MAP3K1: variants seen among roughly 807,000 people sequenced by gnomAD.
MAP3K1 encodes MAP/ERK kinase kinase 1.
A neutral mutation model predicts 144.2 loss-of-function variants in MAP3K1; 36 were observed. That is an observed-to-expected ratio of 0.25 (90% CI 0.19 to 0.33). The LOEUF is 0.33. Among genes scored for constraint, MAP3K1 ranks in the 10% least tolerant of loss-of-function variants. The pLI is 1.00. For missense variants in MAP3K1, 1,650 were observed against 1,881.9 expected, an observed-to-expected ratio of 0.88 and a Z score of 2.28; for synonymous variants, 718 against 688.7, an observed-to-expected ratio of 1.04 and a Z score of -0.67.
rs2111942749 is a variant in MAP3K1 at position 56,881,947 on chromosome 5, G to A, written c.2747G>A (p.Cys916Tyr). ...TTAGAGAAAACTGGAAAAGGATTAT[G>A]TGCTACAAAATTGAGTGCCAGTTCA... ...VHLEKTGKGL[C>Y]ATKLSASSED... Residue 916 changes from cysteine (C) to tyrosine (Y), a missense_variant, in exon 14 of 20, where the codon TGT (cysteine) becomes TAT (tyrosine). Cys to Tyr is a radical substitution (Grantham distance 194). Around this residue, in one of 6 missense-constraint regions of MAP3K1, gnomAD observed 841 missense variants for 886.5 expected, o/e 0.95. Coordinates refer to ENST00000399503, the MANE Select transcript of MAP3K1 (RefSeq NM_005921.2). 6.2e-7 allele frequency: 1 copy of A among 1,614,086 alleles called. No homozygotes were observed. Among genetic ancestry groups the A allele is most frequent in the Non-Finnish European group, 8.5e-7 (1 of 1,180,020 alleles).
chr5:56,833,035 A>T (rs996163199), intron 1 of MAP3K1, among the ~76,000 whole-genome samples: 1 of 151,918 alleles, frequency 6.6e-6, no homozygotes, highest in African/African-American at 2.4e-5. Flanking sequence ...CCGCACCCAG[A>T]TAATTTTTGT....
At chr5:56,834,780 G>A (rs1037518086) in intron 1 of MAP3K1, among the ~76,000 whole-genome samples, 68 of 152,132 alleles carry the variant, frequency 4.5e-4, no homozygotes, top group African/African-American at 1.5e-3. Flanking sequence ...TAAAATGTGA[G>A]TTGACACCCC....
At chr5:56,870,423 T>C (rs1330686647) in intron 6 of MAP3K1, among the ~76,000 whole-genome samples, 1 of 152,228 alleles carries the variant, frequency 6.6e-6, no homozygotes, top group Admixed American at 6.5e-5. Flanking sequence ...TAAAAACATT[T>C]ATGAAATAGA....
intron 1 of MAP3K1, among the ~76,000 whole-genome samples, chr5:56,818,872 C>T (rs963178020): frequency 2.6e-5 from 4 of 152,132 alleles, no homozygotes; most frequent in African/African-American, 9.7e-5. Context: ...CTTTTATATC[C>T]TCATATAGCC....
At chr5:56,851,431 A>G (rs1396825061) in intron 1 of MAP3K1, among the ~76,000 whole-genome samples, 2 of 152,112 alleles carry the variant, frequency 1.3e-5, no homozygotes, top group Admixed American at 1.3e-4. Context: ...CCCGTGGAGA[A>G]CTAGTCATTC....
intron 1 of MAP3K1, among the ~76,000 whole-genome samples, chr5:56,825,725 C>G (rs1479890336): frequency 6.6e-6 from 1 of 152,198 alleles, no homozygotes; most frequent in African/African-American, 2.4e-5. Context: ...TATTGCCACT[C>G]TCCTAGTAGC....
Position 56,882,402 on chromosome 5 carries a change from G to A in MAP3K1, c.3202G>A (p.Gly1068Ser). The part of the protein sequence containing the change: ...HRPKPSRPTP[G>S]NTSKQGDPSK... ...GCCAAAGCCATCTAGACCTACCCCAGGTAATACAAGTAAACAGGGAGATCC... is the reference window on the plus strand; with the variant it reads ...GCCAAAGCCATCTAGACCTACCCCAAGTAATACAAGTAAACAGGGAGATCC... Residue 1068 changes from glycine (G) to serine (S), a missense_variant, in exon 14 of 20, where the codon GGT (glycine) becomes AGT (serine). Around this residue, in one of 6 missense-constraint regions of MAP3K1, gnomAD observed 841 missense variants for 886.5 expected, o/e 0.95. Coordinates refer to ENST00000399503, the MANE Select transcript of MAP3K1 (RefSeq NM_005921.2). 6.2e-7 allele frequency: 1 copy of A among 1,614,090 alleles called. No individual in the cohort carries two copies. The highest frequency in any genetic ancestry group is 8.5e-7 in the Non-Finnish European group (1 of 1,179,986).
chr5:56,878,388 T>C (rs1579774682), intron 10 of MAP3K1, among the ~76,000 whole-genome samples: 1 of 152,156 alleles, frequency 6.6e-6, no homozygotes, highest in Non-Finnish European at 1.5e-5. Context: ...CACCATGGCA[T>C]GTGTGTACCT....
intron 1 of MAP3K1, among the ~76,000 whole-genome samples, chr5:56,817,706 T>TA (rs991071936): frequency 1.3e-5 from 2 of 152,226 alleles, no homozygotes; most frequent in African/African-American, 2.4e-5. Flanking sequence ...GAATTCCAGA[T>TA]AAAAATTTTT....
chr5:56,865,808 A>T (rs1747655601), intron 5 of MAP3K1, 21 bp from the exon 6 acceptor site: 1 of 1,612,250 alleles, frequency 6.2e-7, no homozygotes, highest in South Asian at 1.1e-5. Flanking sequence ...TATCATTGTT[A>T]CTGTCTTTTT....
chr5:56,835,449 CAGGGAAGAGGAGACAGGAAGGT>C (rs1746623842), intron 1 of MAP3K1, among the ~76,000 whole-genome samples: 1 of 149,858 alleles, frequency 6.7e-6, no homozygotes, highest in African/African-American at 2.5e-5. Flanking sequence ...GACAGGAAGG[CAGGGAAGAGGAGACAGGAAGGT>C]AGGAAGAGGA....
intron 1 of MAP3K1, among the ~76,000 whole-genome samples, chr5:56,816,847 C>T (rs1410634661): frequency 6.6e-6 from 1 of 152,250 alleles, no homozygotes; most frequent in East Asian, 1.9e-4. Flanking sequence ...ACTTGAGTGA[C>T]TTCTGTTTGG....
intron 1 of MAP3K1, chr5:56,820,340 C>G (rs1196561835): frequency 2.7e-6 from 2 of 740,466 alleles, no homozygotes; most frequent in African/African-American, 1.9e-5. Context: ...TTCCACTACT[C>G]TGCTTCTTCC....
intron 1 of MAP3K1, among the ~76,000 whole-genome samples, chr5:56,844,357 T>A (rs945740214): frequency 2.0e-5 from 3 of 151,858 alleles, no homozygotes; most frequent in Non-Finnish European, 4.4e-5. Flanking sequence ...TTTTTTGTAT[T>A]TTTAGTAGAG....
chr5:56,864,975 T>C (rs770182304), intron 4 of MAP3K1, 41 bp downstream of exon 4: 1 of 1,541,118 alleles, frequency 6.5e-7, no homozygotes, highest in African/African-American at 1.4e-5. Context: ...AGTAGTAGTA[T>C]ATGGTACTAC....
At chr5:56,857,758 A>G (rs767860141) in intron 2 of MAP3K1, among the ~76,000 whole-genome samples, 2 of 152,216 alleles carry the variant, frequency 1.3e-5, no homozygotes, top group African/African-American at 2.4e-5. Flanking sequence ...AAGCTCTCTT[A>G]GATGTGTAGT....
At chr5:56,878,021 A>G (rs925722528) in intron 10 of MAP3K1, among the ~76,000 whole-genome samples, 1 of 152,236 alleles carries the variant, frequency 6.6e-6, no homozygotes, top group Admixed American at 6.5e-5. Flanking sequence ...GGCCTTTCTT[A>G]GTGCATCATA....
intron 15 of MAP3K1, 85 bp downstream of exon 15, chr5:56,883,764 C>G: frequency 7.4e-7 from 1 of 1,358,446 alleles, no homozygotes; most frequent in Non-Finnish European, 1.1e-6. Flanking sequence ...GATATGTCCA[C>G]GTGTGTGTAC....
At chr5:56,856,526 C>G in intron 1 of MAP3K1, 74 bp from the exon 2 acceptor site, 3 of 1,260,848 alleles carry the variant, frequency 2.4e-6, no homozygotes, top group Non-Finnish European at 1.2e-6. Context: ...ATAGAACCAT[C>G]CATTCTGTTT....
Sources: allele counts gnomAD v4.1 joint callset (sites outside exome capture counted in the v4.1 genomes callset), GRCh38; gene constraint gnomAD v4.1.1; regional missense constraint gnomAD v4.1.1; transcripts MANE v1.5; gene names NCBI Gene and HGNC (gene_info 2026-07-23, HGNC 2026-07-21).